The following SDAD1 variants were observed in gnomAD, a reference collection of about 807,000 sequenced individuals.
SDAD1 encodes the protein protein SDA1 homolog.
In SDAD1, 79 loss-of-function variants were observed where a neutral mutation model predicts 100.3. The observed-to-expected ratio is 0.79, with a 90% CI of 0.66 to 0.95. The LOEUF (loss-of-function observed/expected upper bound fraction) is 0.95, where lower values mean the gene tolerates loss of function less well. Ranked by LOEUF, SDAD1 falls within the 40% of genes least tolerant of loss-of-function variation. SDAD1 has a pLI of 0.00. For synonymous variants in SDAD1, 267 were observed against 271.4 expected, an observed-to-expected ratio of 0.98 and a Z score of 0.16; for missense variants, 790 against 810.9, an observed-to-expected ratio of 0.97 and a Z score of 0.31.
intron 1 of SDAD1, among the ~76,000 whole-genome samples, chr4:75,984,583 T>C (rs1560557654): frequency 6.6e-6 from 1 of 152,168 alleles, no homozygotes; most frequent in Admixed American, 6.5e-5. Flanking sequence ...CTTCCACTTA[T>C]TCAGCACTTG....
intron 12 of SDAD1, among the ~76,000 whole-genome samples, chr4:75,966,267 T>TACACACAC (rs375225256): frequency 0.012 from 1,737 of 139,224 alleles, 34 homozygotes; most frequent in Admixed American, 0.039. Context: ...AATGAATGCA[T>TACACACAC]ACACACACAC....
At position 75,957,616 on chromosome 4, in the gene SDAD1, C is replaced by T; in HGVS notation, c.1671G>A (p.Gln557=). The T allele has an allele frequency of 3.1e-6, 5 of 1,614,184 alleles. No homozygotes were observed. The highest frequency in any genetic ancestry group is 4.2e-6 in the Non-Finnish European group (5 of 1,180,044). The change falls in exon 19 of 22, where the codon CAG becomes CAA. Residue 557 remains glutamine, a synonymous_variant. Transcript: ENST00000356260. Reference sequence around the variant, plus strand: ...TTCTCATTTGGGCCATGCGGATTTTCTGGAAGTCTTCCTGAGTTAAAACTC... The same window carrying T: ...TTCTCATTTGGGCCATGCGGATTTTTTGGAAGTCTTCCTGAGTTAAAACTC... ...TSRVLTQEDF[Q]KIRMAQMRKE...
intron 21 of SDAD1, among the ~76,000 whole-genome samples, chr4:75,951,772 A>G (rs946605819): frequency 1.3e-5 from 2 of 152,240 alleles, no homozygotes; most frequent in Admixed American, 6.5e-5. Context: ...ATGATCAAAA[A>G]TAAACCAAAA....
intron 17 of SDAD1, among the ~76,000 whole-genome samples, chr4:75,959,202 C>T (rs150968085): frequency 4.0e-5 from 6 of 149,618 alleles, no homozygotes; most frequent in Non-Finnish European, 8.9e-5. Context: ...AATCATAAAT[C>T]CTGTTAACAC....
intron 8 of SDAD1, among the ~76,000 whole-genome samples, chr4:75,972,493 A>T (rs1729924422): frequency 6.6e-6 from 1 of 151,196 alleles, no homozygotes; most frequent in Non-Finnish European, 1.5e-5. Context: ...CCACTGCCCT[A>T]TTCTGAAATA....
chr4:75,956,791 T>C (rs1224356102), intron 20 of SDAD1, among the ~76,000 whole-genome samples: 1 of 152,198 alleles, frequency 6.6e-6, no homozygotes, highest in Non-Finnish European at 1.5e-5. Context: ...GAGTGGTGGT[T>C]ACATGGCTAT....
At chr4:75,971,698 G>A (rs1729876612) in intron 8 of SDAD1, among the ~76,000 whole-genome samples, 1 of 151,944 alleles carries the variant, frequency 6.6e-6, no homozygotes, top group Non-Finnish European at 1.5e-5. Context: ...TAGCAAAACT[G>A]TGTCTCTACT....
chr4:75,967,241 A>G lies in SDAD1; in HGVS notation c.1045+36T>C, dbSNP rs201049104. On this transcript the variant is annotated intron_variant, in intron 12 of 21. Coordinates refer to ENST00000356260, the MANE Select transcript of SDAD1 (RefSeq NM_018115.4). The stretch of plus-strand genomic sequence containing the variant: ...GACTTTGCATGTTTATTCTATTACC[A>G]AGGCCACCAAAGAAACATGGCAAGT... 2,017 of 1,598,934 alleles carry G rather than the reference A, an allele frequency of 1.3e-3. 34 individuals carry two copies. The highest frequency in any genetic ancestry group is 2.5e-4 in the Non-Finnish European group (297 of 1,166,194).
At chr4:75,953,272 C>T (rs535561306) in intron 21 of SDAD1, among the ~76,000 whole-genome samples, 1 of 152,128 alleles carries the variant, frequency 6.6e-6, no homozygotes, top group Non-Finnish European at 1.5e-5. Flanking sequence ...TGGGCTTTCC[C>T]TTCATGCCAG....
intron 8 of SDAD1, 62 bp from the exon 9 acceptor site, chr4:75,971,520 A>T: frequency 6.6e-6 from 8 of 1,208,920 alleles, no homozygotes; most frequent in Non-Finnish European, 9.7e-6. Flanking sequence ...ATGAAAGAGT[A>T]AACCTTTCAG....
In SDAD1 at chr4:75,981,460, C is replaced by T. The variant is rs1304917439; in HGVS notation, c.206G>A (p.Cys69Tyr). 29 of 1,613,640 alleles carry T rather than the reference C, an allele frequency of 1.8e-5. No homozygotes were observed. Among genetic ancestry groups the T allele is most frequent in the Non-Finnish European group, 2.4e-5 (28 of 1,179,784 alleles). Reference protein sequence around the residue: ...LVMFMAQISHCYPEYLSNFPQ... With the variant: ...LVMFMAQISHYYPEYLSNFPQ... ...AAAATTACTTAGGTACTCTGGGTAGCAGTGACTAATCTGTAACAAAGCAAA... is the reference window on the plus strand; with the variant it reads ...AAAATTACTTAGGTACTCTGGGTAGTAGTGACTAATCTGTAACAAAGCAAA... Residue 69 changes from cysteine to tyrosine, a missense_variant, in exon 3 of 22, where the codon TGC (cysteine) becomes TAC (tyrosine). Physicochemically the swap from Cys to Tyr is radical, Grantham distance 194. Transcript: ENST00000356260.
intron 3 of SDAD1, among the ~76,000 whole-genome samples, chr4:75,979,219 C>CAAA (rs1301355111): frequency 2.0e-5 from 3 of 150,488 alleles, no homozygotes; most frequent in Non-Finnish European, 4.4e-5. Context: ...TTATTTCTTC[C>CAAA]AAAAAAAATA....
At chr4:75,966,267 TAC>T (rs375225256) in intron 12 of SDAD1, among the ~76,000 whole-genome samples, 26,991 of 138,798 alleles carry the variant, frequency 0.19, 2,558 homozygotes, top group South Asian at 0.34. Context: ...AATGAATGCA[TAC>T]ACACACACAC....
chr4:75,985,118 A>G lies in SDAD1; in HGVS notation c.91-3081T>C, dbSNP rs1046228208. On this transcript the variant is annotated intron_variant, in intron 1 of 21. Coordinates refer to ENST00000356260, the MANE Select transcript of SDAD1 (RefSeq NM_018115.4). ...CCCCATTTCTTCCCCCACCCCACCC[A>G]TGGCCCAGCTAACACTATTTACCCG... Among the ~76,000 whole-genome samples the G allele has an allele frequency of 3.3e-5, 5 of 151,910 alleles. No individual in the cohort carries two copies. The East Asian group carries it at 7.7e-4, about 24-fold the overall frequency.
At chr4:75,984,778 A>AAACACACACACAC (rs1730780809) in intron 1 of SDAD1, among the ~76,000 whole-genome samples, 23 of 136,928 alleles carry the variant, frequency 1.7e-4, no homozygotes, top group Admixed American at 1.5e-3. Flanking sequence ...CACACACACA[A>AAACACACACACAC]ACACACACAC....
chr4:75,982,285 A>G (rs1730575122), intron 1 of SDAD1, among the ~76,000 whole-genome samples: 1 of 152,244 alleles, frequency 6.6e-6, no homozygotes, highest in Non-Finnish European at 1.5e-5. Context: ...TTTAGGCAGC[A>G]TGGTGTAAGA....
intron 9 of SDAD1, among the ~76,000 whole-genome samples, chr4:75,970,692 G>C (rs1232706800): frequency 6.6e-6 from 1 of 152,208 alleles, no homozygotes; most frequent in Non-Finnish European, 1.5e-5. Context: ...GTCGAGGGAA[G>C]GACCTGGAGG....
At chr4:75,976,524 T>C (rs557269246) in intron 4 of SDAD1, among the ~76,000 whole-genome samples, 3 of 152,090 alleles carry the variant, frequency 2.0e-5, no homozygotes, top group Non-Finnish European at 4.4e-5. Context: ...CACACAAATC[T>C]ATAGTGACCC....
In SDAD1 at chr4:75,961,244, C is replaced by T. The variant is rs748623734; in HGVS notation, c.1246G>A (p.Asp416Asn). The part of the protein sequence containing the change: ...PLAMTEELLQ[D>N]LAQYKTHKDK... ...TTGTGTGTTTTATACTGAGCCAGGTCTTGGAGAAGTTCTTCAGTCATGGCC... is the reference window on the plus strand; with the variant it reads ...TTGTGTGTTTTATACTGAGCCAGGTTTTGGAGAAGTTCTTCAGTCATGGCC... The change falls in exon 15 of 22, where the codon GAC becomes AAC. Residue 416 changes from aspartate to asparagine, a missense_variant. Transcript: ENST00000356260. 1 of 1,613,992 alleles carries T rather than the reference C, an allele frequency of 6.2e-7. No individual in the cohort carries two copies. The highest frequency in any genetic ancestry group is 8.5e-7 in the Non-Finnish European group (1 of 1,179,938).
Sources: gnomAD v4.1 joint callset for allele counts (sites outside exome capture counted in the v4.1 genomes callset) on GRCh38, gnomAD v4.1.1 for gene constraint, MANE v1.5 for transcripts, NCBI Gene and HGNC (gene_info 2026-07-23, HGNC 2026-07-21) for gene names.